FAXC: variants seen among roughly 807,000 people sequenced by gnomAD.
FAXC encodes the protein failed axon connections homolog.
Under a neutral mutation model 41.9 loss-of-function variants are expected in FAXC, and 10 were observed. The ratio of observed to expected loss-of-function variants is 0.24; its 90% CI spans 0.15 to 0.41. The LOEUF is 0.41. Among genes scored for constraint, FAXC ranks in the 10% least tolerant of loss-of-function variants. The pLI, the probability that FAXC is intolerant of heterozygous loss-of-function variation, is 1.00. For missense variants in FAXC, 399 were observed against 510.9 expected, an observed-to-expected ratio of 0.78 and a Z score of 2.11; for synonymous variants, 183 against 183.8, an observed-to-expected ratio of 1.00 and a Z score of 0.03.
chr6:99,293,940 G>A (rs1308178869), intron 4 of FAXC, among the ~76,000 whole-genome samples: 2 of 152,114 alleles, frequency 1.3e-5, no homozygotes, highest in African/African-American at 2.4e-5. Context: ...GGAAAGACAG[G>A]AGGGGGAAAT....
intron 1 of FAXC, among the ~76,000 whole-genome samples, chr6:99,346,505 G>A (rs926586241): frequency 6.6e-6 from 1 of 151,962 alleles, no homozygotes; most frequent in Non-Finnish European, 1.5e-5. Flanking sequence ...TCCTGCCTCA[G>A]CTCCCCGAGT....
intron 4 of FAXC, among the ~76,000 whole-genome samples, chr6:99,311,266 C>G (rs1391635933): frequency 1.3e-5 from 2 of 152,178 alleles, no homozygotes; most frequent in African/African-American, 2.4e-5. Context: ...CTCTACTCTT[C>G]TCCCCAGAGA....
At position 99,278,976 on chromosome 6, in the gene FAXC, A is replaced by G. The variant is rs1007579941; in HGVS notation, c.*2188T>C. 1 of 152,220 alleles carries G rather than the reference A, an allele frequency of 6.6e-6. No homozygotes were observed. The highest frequency in any genetic ancestry group is 2.4e-5 in the African/African-American group (1 of 41,452). 9.4% of individuals were successfully genotyped at this position (152,220 alleles called of 1,614,324 possible). ...GTAAGATAGATTGTTCATAGAAAAA[A>G]ATTCAAATACATTTCTTTTCTACTA... is the stretch of plus-strand genomic sequence containing the variant. On this transcript the variant is annotated 3_prime_UTR_variant, in exon 6 of 6. Transcript: ENST00000389677.
intron 3 of FAXC, among the ~76,000 whole-genome samples, chr6:99,330,364 C>T (rs1395191805): frequency 6.6e-6 from 1 of 152,172 alleles, no homozygotes; most frequent in African/African-American, 2.4e-5. Context: ...CTTCCCTTTA[C>T]ACCAGCTTCT....
chr6:99,332,654 T>C (rs1019919975), intron 3 of FAXC, among the ~76,000 whole-genome samples: 5 of 152,156 alleles, frequency 3.3e-5, no homozygotes, highest in African/African-American at 4.8e-5. Flanking sequence ...AACTAGGAGT[T>C]TGCAATCAAG....
intron 2 of FAXC, 38 bp from the exon 3 acceptor site, chr6:99,333,585 T>C (rs1245764544): frequency 1.3e-6 from 2 of 1,510,548 alleles, no homozygotes; most frequent in Non-Finnish European, 1.8e-6. Context: ...AAAAGCAATA[T>C]TGTATTTAAA....
chr6:99,328,028 CT>C (rs1772879639), intron 3 of FAXC, among the ~76,000 whole-genome samples: 1 of 152,116 alleles, frequency 6.6e-6, no homozygotes, highest in Admixed American at 6.5e-5. Context: ...AAGAGTAATG[CT>C]TCTTAGAGTC....
rs1314572893 is a variant in FAXC, at chr6:99,278,214, A to G, written c.*2950T>C. 1 of 152,236 alleles carries G rather than the reference A, an allele frequency of 6.6e-6. No homozygotes were observed. The highest frequency in any genetic ancestry group is 1.9e-4 in the East Asian group (1 of 5,196). The allele number at this position is 152,236 out of a possible 1,614,324, so 9.4% of individuals were successfully genotyped here. ...TGCTGACAATATAGTTCATCATTGC[A>G]TAAATATAGATTGTCCTTATATCTG... On this transcript the variant is annotated 3_prime_UTR_variant, in exon 6 of 6. Transcript: ENST00000389677.
intron 2 of FAXC, among the ~76,000 whole-genome samples, chr6:99,336,516 G>C (rs1206060002): frequency 6.6e-6 from 1 of 152,206 alleles, no homozygotes; most frequent in Non-Finnish European, 1.5e-5. Flanking sequence ...AAGTAATTTT[G>C]AGAAGATAAA....
At position 99,273,857 on chromosome 6, in the gene FAXC, G is replaced by C. The variant is rs964718156; in HGVS notation, c.*7307C>G. ...TTTTAATGTTTACATCAGTAAAACA[G>C]TATATACATATATAGCAGTGTATAC... On this transcript the variant is annotated 3_prime_UTR_variant, in exon 6 of 6. Coordinates refer to ENST00000389677, the MANE Select transcript of FAXC (RefSeq NM_032511.4). The C allele has an allele frequency of 1.3e-5, 2 of 151,958 alleles. No homozygotes were observed. The highest frequency in any genetic ancestry group is 2.9e-5 in the Non-Finnish European group (2 of 68,008). 9.4% of individuals were successfully genotyped at this position (151,958 alleles called of 1,614,324 possible). A position where few individuals can be genotyped will look rare whatever the true frequency, so the allele number is the denominator to read the frequency against.
intron 4 of FAXC, among the ~76,000 whole-genome samples, chr6:99,320,845 G>T (rs922336433): frequency 1.3e-5 from 2 of 152,010 alleles, no homozygotes; most frequent in African/African-American, 4.8e-5. Context: ...GCCCTCCCCA[G>T]TCCCCCCTGC....
At position 99,322,944 on chromosome 6, in the gene FAXC, C is replaced by G. The variant is rs149443785; in HGVS notation, c.823+500G>C. 2.0e-5 allele frequency among the ~76,000 whole-genome samples: 3 copies of G among 152,156 alleles called. No individual in the cohort carries two copies. The East Asian group carries it at 5.8e-4, about 29-fold the overall frequency. ...AGTAATAAGAGGACTAAGAATATGA[C>G]CAGGAATAAGAGGGGTGAGAAAATG... On this transcript the variant is annotated intron_variant, in intron 4 of 5. Transcript: ENST00000389677.
chr6:99,329,041 G>A, intron 3 of FAXC, among the ~76,000 whole-genome samples: 1 of 152,180 alleles, frequency 6.6e-6, no homozygotes. Flanking sequence ...CTTTTCTCTT[G>A]GAATCCATGG....
intron 3 of FAXC, among the ~76,000 whole-genome samples, chr6:99,332,926 T>C (rs1418326073): frequency 6.6e-6 from 1 of 152,214 alleles, no homozygotes; most frequent in Non-Finnish European, 1.5e-5. Flanking sequence ...GTCCACAGGC[T>C]AAGAAGTTTT....
Position 99,277,604 on chromosome 6 carries a change from T to C in FAXC, c.*3560A>G, listed in dbSNP as rs117786574. Reference sequence around the variant, plus strand: ...GATGAGAGGTCTCTTGTATTGGTCTTGACCAGGCTGACAGGACATGGACAA... The same window carrying C: ...GATGAGAGGTCTCTTGTATTGGTCTCGACCAGGCTGACAGGACATGGACAA... On this transcript the variant is annotated 3_prime_UTR_variant, in exon 6 of 6. Coordinates refer to ENST00000389677, the MANE Select transcript of FAXC (RefSeq NM_032511.4). 6.6e-6 allele frequency: 1 copy of C among 152,374 alleles called. No individual in the cohort carries two copies. Among genetic ancestry groups the C allele is most frequent in the East Asian group, 1.9e-4 (1 of 5,186 alleles). The allele number at this position is 152,374 out of a possible 1,614,324, so 9.4% of individuals were successfully genotyped here. A position where few individuals can be genotyped will look rare whatever the true frequency, so the allele number is the denominator to read the frequency against.
intron 4 of FAXC, among the ~76,000 whole-genome samples, chr6:99,311,344 A>G (rs979026504): frequency 6.6e-6 from 1 of 152,196 alleles, no homozygotes; most frequent in African/African-American, 2.4e-5. Context: ...TGGGAGGCCG[A>G]GGTGGGTGGA....
intron 4 of FAXC, among the ~76,000 whole-genome samples, chr6:99,317,593 G>A (rs987267030): frequency 2.0e-5 from 3 of 151,824 alleles, no homozygotes; most frequent in African/African-American, 7.3e-5. Context: ...CTGGATTTGA[G>A]TCTGGGCTTC....
rs1028769577 is a variant in FAXC, at chr6:99,277,900, A to G, written c.*3264T>C. Reference sequence around the variant, plus strand: ...GCCAATAAGGTGCTTTCTACAGCTAATTTTTAGCACAGCTATACATTTCTA... The same window carrying G: ...GCCAATAAGGTGCTTTCTACAGCTAGTTTTTAGCACAGCTATACATTTCTA... On this transcript the variant is annotated 3_prime_UTR_variant, in exon 6 of 6. Transcript: ENST00000389677. The G allele has an allele frequency of 1.3e-5, 2 of 152,310 alleles. No homozygotes were observed. Among genetic ancestry groups the G allele is most frequent in the South Asian group, 4.1e-4 (2 of 4,820 alleles). 9.4% of individuals were successfully genotyped at this position (152,310 alleles called of 1,614,324 possible).
rs1562140938 is a variant in FAXC, at chr6:99,275,678, T to TCTTA, written c.*5485_*5486insTAAG. 2 of 152,086 alleles carry TCTTA rather than the reference T, an allele frequency of 1.3e-5. No individual in the cohort carries two copies. Among genetic ancestry groups the TCTTA allele is most frequent in the Non-Finnish European group, 2.9e-5 (2 of 68,018 alleles). 9.4% of individuals were successfully genotyped at this position (152,086 alleles called of 1,614,324 possible). ...AGTGCCCTCTGTAATCATCTCTAAC[T>TCTTA]GGCAAGGCTAACGTTGCTGGTTCCA... On this transcript the variant is annotated 3_prime_UTR_variant, in exon 6 of 6. Transcript: ENST00000389677.
Sources: allele counts gnomAD v4.1 joint callset (sites outside exome capture counted in the v4.1 genomes callset), GRCh38; gene constraint gnomAD v4.1.1; transcripts MANE v1.5; gene names NCBI Gene and HGNC (gene_info 2026-07-23, HGNC 2026-07-21).